NRXN1: variants seen among roughly 807,000 people sequenced by gnomAD.
NRXN1 encodes the protein neurexin-1.
Under a neutral mutation model 150.9 loss-of-function variants are expected in NRXN1, and 39 were observed. The ratio of observed to expected loss-of-function variants is 0.26; its 90% CI spans 0.20 to 0.34. The LOEUF (loss-of-function observed/expected upper bound fraction) is 0.34, where lower values mean the gene tolerates loss of function less well. NRXN1 is among the 10% of genes least tolerant of loss of function. NRXN1 has a pLI of 1.00. For missense variants in NRXN1, 1,815 were observed against 1,949.9 expected (o/e 0.93, Z 1.30); for synonymous variants, 924 against 757.0 (o/e 1.22, Z -3.62).
rs375228337 is a variant in NRXN1, at chr2:50,232,256, T to C, written c.3546+4533A>G. On this transcript the variant is annotated intron_variant, in intron 18 of 22. Coordinates refer to ENST00000401669, the MANE Select transcript of NRXN1 (RefSeq NM_001330078.2). ...TAAACAACCAGCTCATTTATTTTTG[T>C]ATCCACAGAGCCTAACATAGGCCTG... Among the ~76,000 whole-genome samples, 152 of 152,186 alleles carry C rather than the reference T, an allele frequency of 1.0e-3. 1 individual carries two copies. Among genetic ancestry groups the C allele is most frequent in the African/African-American group, 3.5e-3 (146 of 41,556 alleles).
At chr2:50,115,565 G>A (rs1430560296) in intron 18 of NRXN1, among the ~76,000 whole-genome samples, 2 of 151,920 alleles carry the variant, frequency 1.3e-5, no homozygotes, top group Non-Finnish European at 2.9e-5. Context: ...AACCAGTGAG[G>A]GGTATAAGTG....
chr2:50,737,703 A>G (rs1440539992), intron 5 of NRXN1, among the ~76,000 whole-genome samples: 1 of 152,158 alleles, frequency 6.6e-6, no homozygotes, highest in East Asian at 1.9e-4. Context: ...CATTTCATGT[A>G]AATATACCAG....
chr2:50,302,931 AT>A (rs2074296465), intron 17 of NRXN1, among the ~76,000 whole-genome samples: 1 of 151,938 alleles, frequency 6.6e-6, no homozygotes, highest in Non-Finnish European at 1.5e-5. Flanking sequence ...CCATCCATCC[AT>A]CCATCCACCC....
Position 50,497,413 on chromosome 2 carries a change from G to C in NRXN1, c.2799C>G (p.Phe933Leu), listed in dbSNP as rs933775154. ...AYTSMHLFFQ[F>L]KTTSLDGLIL... ...TTAATCCATCTAGGGATGTTGTCTTGAACTGGAAAAAAAGATGCATAGAAG... is the reference window on the plus strand; with the variant it reads ...TTAATCCATCTAGGGATGTTGTCTTCAACTGGAAAAAAAGATGCATAGAAG... Residue 933 changes from phenylalanine to leucine, a missense_variant, in exon 14 of 23, where the codon TTC becomes TTG. Physicochemically the swap from Phe to Leu is conservative, Grantham distance 22 (BLOSUM62 0). Coordinates refer to ENST00000401669, the MANE Select transcript of NRXN1 (RefSeq NM_001330078.2). The C allele has an allele frequency of 8.1e-6, 13 of 1,608,106 alleles. No homozygotes were observed. The African/African-American group carries it at 1.3e-4, about 17-fold the overall frequency.
chr2:50,892,934 G>A (rs944454537), intron 5 of NRXN1, among the ~76,000 whole-genome samples: 27 of 152,092 alleles, frequency 1.8e-4, no homozygotes, highest in Admixed American at 1.6e-3. Context: ...CTCTGGGTTT[G>A]CCCCTAGCCA....
At chr2:50,713,845 C>T (rs976841238) in intron 5 of NRXN1, among the ~76,000 whole-genome samples, 1 of 152,066 alleles carries the variant, frequency 6.6e-6, no homozygotes, top group Non-Finnish European at 1.5e-5. Context: ...TCATAGGATC[C>T]TGGTCTTCTT....
rs113943755 is a variant in NRXN1, at chr2:50,980,769, C to G, written c.772+46733G>C. On this transcript the variant is annotated intron_variant, in intron 2 of 22. Coordinates refer to ENST00000401669, the MANE Select transcript of NRXN1 (RefSeq NM_001330078.2). The stretch of plus-strand genomic sequence containing the variant: ...TATGATAAAGTGATATTTATTAAAC[C>G]TATCATTCCAGAGAGTTTTCCTGCC... 1.9e-3 allele frequency among the ~76,000 whole-genome samples: 292 copies of G among 152,176 alleles called. 3 individuals are homozygous for G. The highest frequency in any genetic ancestry group is 6.8e-3 in the African/African-American group (283 of 41,552).
chr2:50,999,112 C>T (rs1315568532), intron 2 of NRXN1, among the ~76,000 whole-genome samples: 1 of 152,112 alleles, frequency 6.6e-6, no homozygotes, highest in East Asian at 1.9e-4. Context: ...TCCAGCATGC[C>T]TGTCCATAAC....
intron 18 of NRXN1, among the ~76,000 whole-genome samples, chr2:50,155,453 G>A (rs1424404849): frequency 6.6e-6 from 1 of 151,130 alleles, no homozygotes; most frequent in Non-Finnish European, 1.5e-5. Flanking sequence ...AGAAAGGAGG[G>A]ACGAATTATG....
intron 17 of NRXN1, among the ~76,000 whole-genome samples, chr2:50,377,021 T>C (rs1194403268): frequency 6.6e-6 from 1 of 151,980 alleles, no homozygotes; most frequent in Non-Finnish European, 1.5e-5. Context: ...GAACATCTTT[T>C]CACGTCATTA....
At chr2:50,130,202 G>C (rs989597514) in intron 18 of NRXN1, among the ~76,000 whole-genome samples, 16 of 152,032 alleles carry the variant, frequency 1.1e-4, no homozygotes, top group African/African-American at 3.9e-4. Context: ...TTTTCCATCT[G>C]GAGGAATTTC....
At chr2:50,474,438 G>A (rs1468512935) in intron 15 of NRXN1, among the ~76,000 whole-genome samples, 1 of 151,662 alleles carries the variant, frequency 6.6e-6, no homozygotes, top group Non-Finnish European at 1.5e-5. Flanking sequence ...GTCAAAGAGG[G>A]TGCTGATTTC....
At chr2:50,025,751 A>G (rs1319399172) in intron 21 of NRXN1, among the ~76,000 whole-genome samples, 1 of 152,214 alleles carries the variant, frequency 6.6e-6, no homozygotes, top group Non-Finnish European at 1.5e-5. Flanking sequence ...AAACTCAGAT[A>G]TACTTTCCTA....
At chr2:50,785,747 T>C (rs368479408) in intron 5 of NRXN1, among the ~76,000 whole-genome samples, 12 of 152,154 alleles carry the variant, frequency 7.9e-5, no homozygotes, top group African/African-American at 2.2e-4. Flanking sequence ...CTTGGTAGTT[T>C]TGCAGGATGA....
chr2:50,008,512 G>T (rs1685130615), intron 21 of NRXN1, among the ~76,000 whole-genome samples: 1 of 143,396 alleles, frequency 7.0e-6, no homozygotes, highest in Non-Finnish European at 1.5e-5. Flanking sequence ...TGTCACCCAG[G>T]CTGGAGAGTG....
intron 17 of NRXN1, among the ~76,000 whole-genome samples, chr2:50,289,482 G>A (rs35900029): frequency 0.18 from 26,882 of 151,934 alleles, 2,596 homozygotes; most frequent in East Asian, 0.38. Flanking sequence ...ATGAATGTGT[G>A]GTATAAAGCT....
chr2:50,602,584 T>C (rs576051705), intron 8 of NRXN1, among the ~76,000 whole-genome samples: 7 of 151,190 alleles, frequency 4.6e-5, no homozygotes, highest in Admixed American at 1.3e-4. Flanking sequence ...AAAAGGAAGT[T>C]TCCTTCCTTC....
At chr2:50,052,083 T>A (rs761535023) in intron 21 of NRXN1, among the ~76,000 whole-genome samples, 4 of 152,072 alleles carry the variant, frequency 2.6e-5, no homozygotes, top group Admixed American at 6.6e-5. Context: ...CAGAGTCAAT[T>A]TTCTTCATTT....
chr2:50,874,674 A>G (rs2193413), intron 5 of NRXN1, among the ~76,000 whole-genome samples: 60,241 of 151,556 alleles, frequency 0.4, 12,785 homozygotes, highest in Non-Finnish European at 0.48. Flanking sequence ...TACTTCCAAC[A>G]GGAGAATTCT....
Sources: gnomAD v4.1 joint callset for allele counts (sites outside exome capture counted in the v4.1 genomes callset) on GRCh38, gnomAD v4.1.1 for gene constraint, MANE v1.5 for transcripts, NCBI Gene and HGNC (gene_info 2026-07-23, HGNC 2026-07-21) for gene names.